Variants in USP15 observed in about 807,000 individuals in gnomAD.
USP15 encodes ubiquitin specific peptidase 15, also known as ubiquitin carboxyl-terminal hydrolase 15.
A neutral mutation model predicts 127.1 loss-of-function variants in USP15; 18 were observed. That is an observed-to-expected ratio of 0.14 (90% confidence interval 0.10 to 0.21). USP15 has a LOEUF of 0.21. Among genes scored for constraint, USP15 ranks in the 10% least tolerant of loss-of-function variants. USP15 has a pLI of 1.00. For synonymous variants in USP15, 364 were observed against 393.7 expected (o/e 0.92, Z 0.89); for missense variants, 805 against 1,159.9 (o/e 0.69, Z 4.44).
intron 6 of USP15, among the ~76,000 whole-genome samples, chr12:62,341,398 T>C (rs555896693): frequency 1.3e-5 from 2 of 152,242 alleles, no homozygotes; most frequent in African/African-American, 4.8e-5. Flanking sequence ...AATATTGTTA[T>C]GTGTGAATTT....
chr12:62,297,355 T>C (rs1207057368), intron 2 of USP15, among the ~76,000 whole-genome samples: 1 of 152,022 alleles, frequency 6.6e-6, no homozygotes, highest in Non-Finnish European at 1.5e-5. Context: ...AGGACTGACT[T>C]CTGTCTTACC....
At chr12:62,290,149 A>G (rs933822971) in intron 1 of USP15, among the ~76,000 whole-genome samples, 1 of 152,160 alleles carries the variant, frequency 6.6e-6, no homozygotes, top group Non-Finnish European at 1.5e-5. Flanking sequence ...AGTCCAATTT[A>G]ATTCTGGTGT....
At chr12:62,330,653 G>A (rs1349344257) in intron 6 of USP15, among the ~76,000 whole-genome samples, 3 of 151,360 alleles carry the variant, frequency 2.0e-5, no homozygotes, top group Non-Finnish European at 4.4e-5. Context: ...GAGCAAGGTG[G>A]CTCACACCTG....
At chr12:62,387,902 C>T (rs958789872) in intron 11 of USP15, among the ~76,000 whole-genome samples, 1 of 152,192 alleles carries the variant, frequency 6.6e-6, no homozygotes, top group African/African-American at 2.4e-5. Context: ...GGATTTAGAA[C>T]ATAGACGCTA....
intron 2 of USP15, among the ~76,000 whole-genome samples, chr12:62,298,246 C>T (rs555657517): frequency 2.9e-4 from 44 of 152,248 alleles, no homozygotes; most frequent in East Asian, 1.4e-3. Context: ...TGGCTGAGGC[C>T]AGGTGTAGTG....
At chr12:62,285,366 A>G (rs1427950371) in intron 1 of USP15, among the ~76,000 whole-genome samples, 1 of 152,150 alleles carries the variant, frequency 6.6e-6, no homozygotes, top group African/African-American at 2.4e-5. Flanking sequence ...TTTCTGAATT[A>G]TTTCCCCTAA....
In USP15 at chr12:62,406,279, A is replaced by T. The variant is rs577464486; in HGVS notation, c.*1904A>T. On this transcript the variant is annotated 3_prime_UTR_variant, in exon 22 of 22. Transcript: ENST00000280377. Reference sequence around the variant, plus strand: ...TACTATTAAGGACGTTTTAAAGTTGATTTTTGTCCACTTTAATATTTATTC... The same window carrying T: ...TACTATTAAGGACGTTTTAAAGTTGTTTTTTGTCCACTTTAATATTTATTC... 3 of 152,180 alleles carry T rather than the reference A, an allele frequency of 2.0e-5. No individual in the cohort carries two copies. Among genetic ancestry groups the T allele is most frequent in the Admixed American group, 2.0e-4 (3 of 15,274 alleles). The allele number at this position is 152,180 out of a possible 1,614,324, so 9.4% of individuals were successfully genotyped here.
intron 17 of USP15, 24 bp downstream of exon 17, chr12:62,391,910 T>C (rs955536577): frequency 1.9e-5 from 30 of 1,581,664 alleles, no homozygotes; most frequent in Admixed American, 3.5e-5. Context: ...CACTCACTTA[T>C]TTACCTTTCC....
intron 6 of USP15, among the ~76,000 whole-genome samples, chr12:62,334,945 G>A (rs2065414654): frequency 6.6e-6 from 1 of 152,118 alleles, no homozygotes; most frequent in Admixed American, 6.6e-5. Context: ...TGGGCATAGG[G>A]AAATTCAGAT....
intron 1 of USP15, among the ~76,000 whole-genome samples, chr12:62,264,929 G>A (rs2063158882): frequency 6.6e-6 from 1 of 152,054 alleles, no homozygotes; most frequent in Non-Finnish European, 1.5e-5. Flanking sequence ...GAAACTAAAA[G>A]GAAAAACTTC....
chr12:62,368,947 T>G (rs1295160704), intron 8 of USP15, among the ~76,000 whole-genome samples: 1 of 152,190 alleles, frequency 6.6e-6, no homozygotes, highest in Admixed American at 6.5e-5. Context: ...TGGTACTGGT[T>G]GTTCTTTCCG....
chr12:62,312,027 C>T (rs946639323), intron 3 of USP15, among the ~76,000 whole-genome samples: 4 of 151,778 alleles, frequency 2.6e-5, no homozygotes, highest in Non-Finnish European at 5.9e-5. Context: ...TTGTTTCTTA[C>T]ACATTAAGAA....
At chr12:62,319,756 A>G (rs997556652) in intron 4 of USP15, among the ~76,000 whole-genome samples, 7 of 152,236 alleles carry the variant, frequency 4.6e-5, no homozygotes, top group African/African-American at 1.7e-4. Context: ...AGATGCCTGT[A>G]TTAATAGAAA....
intron 1 of USP15, among the ~76,000 whole-genome samples, chr12:62,269,295 C>G (rs982650026): frequency 6.6e-6 from 1 of 151,880 alleles, no homozygotes; most frequent in Admixed American, 6.6e-5. Context: ...GTAGTGCATA[C>G]TGTAGTCAAT....
intron 3 of USP15, among the ~76,000 whole-genome samples, chr12:62,310,215 A>G (rs2064621781): frequency 1.3e-5 from 2 of 151,932 alleles, no homozygotes; most frequent in Non-Finnish European, 2.9e-5. Flanking sequence ...AATCTGTTAC[A>G]TATATATAAT....
At chr12:62,329,676 A>T (rs1209217902) in intron 6 of USP15, among the ~76,000 whole-genome samples, 1 of 152,228 alleles carries the variant, frequency 6.6e-6, no homozygotes, top group Non-Finnish European at 1.5e-5. Context: ...GCTAAGTGCT[A>T]ACAGGTAGAT....
chr12:62,343,831 C>G (rs188163656), intron 6 of USP15, among the ~76,000 whole-genome samples: 1 of 152,312 alleles, frequency 6.6e-6, no homozygotes, highest in East Asian at 1.9e-4. Context: ...AGAGCTGTTT[C>G]TATTTGGCCA....
chr12:62,380,063 A>G (rs2066942966), intron 8 of USP15, among the ~76,000 whole-genome samples: 2 of 152,168 alleles, frequency 1.3e-5, no homozygotes, highest in African/African-American at 4.8e-5. Context: ...GAAAATATGT[A>G]TATGACTCTA....
At chr12:62,390,800 A>T in intron 14 of USP15, 64 bp from the exon 15 acceptor site, 4 of 1,236,502 alleles carry the variant, frequency 3.2e-6, no homozygotes, top group Non-Finnish European at 4.5e-6. Context: ...TGATAGAAGG[A>T]AAACTTTTTA....
Sources: gnomAD v4.1 joint callset for allele counts (sites outside exome capture counted in the v4.1 genomes callset) on GRCh38, gnomAD v4.1.1 for gene constraint, MANE v1.5 for transcripts, NCBI Gene and HGNC (gene_info 2026-07-23, HGNC 2026-07-21) for gene names.